GPR39: variants seen among roughly 807,000 people sequenced by gnomAD.
GPR39 encodes zinc sensing receptor.
In GPR39, 23 loss-of-function variants were observed where a neutral mutation model predicts 18.4. The ratio of observed to expected loss-of-function variants is 1.25; its 90% CI spans 0.90 to 1.77. GPR39 has a LOEUF of 1.77. GPR39 is among the 40% of genes most tolerant of loss of function. The pLI, the probability that GPR39 is intolerant of heterozygous loss-of-function variation, is 0.00. For missense variants in GPR39, 647 were observed against 602.4 expected, an observed-to-expected ratio of 1.07 and a Z score of -0.78; for synonymous variants, 280 against 257.9, an observed-to-expected ratio of 1.09 and a Z score of -0.82.
At chr2:132,441,900 A>G (rs997122060) in intron 1 of GPR39, among the ~76,000 whole-genome samples, 31 of 152,256 alleles carry the variant, frequency 2.0e-4, no homozygotes, top group Middle Eastern at 3.4e-3. Flanking sequence ...ACTCACACCC[A>G]TGAATTTCAC....
At chr2:132,519,960 G>A (rs927455347) in intron 1 of GPR39, among the ~76,000 whole-genome samples, 6 of 152,098 alleles carry the variant, frequency 3.9e-5, no homozygotes, top group South Asian at 2.1e-4. Flanking sequence ...AAAGCACTTC[G>A]GTAGCTCCCC....
chr2:132,478,703 G>A (rs1215824277), intron 1 of GPR39, among the ~76,000 whole-genome samples: 1 of 152,198 alleles, frequency 6.6e-6, no homozygotes, highest in Non-Finnish European at 1.5e-5. Flanking sequence ...GAACTTGGGA[G>A]GGAAGCTACC....
At chr2:132,531,327 G>C (rs184717387) in intron 1 of GPR39, among the ~76,000 whole-genome samples, 1 of 152,204 alleles carries the variant, frequency 6.6e-6, no homozygotes, top group Non-Finnish European at 1.5e-5. Context: ...ATATGCACCC[G>C]ATACAGGAGC....
intron 1 of GPR39, among the ~76,000 whole-genome samples, chr2:132,596,844 C>A (rs1680958763): frequency 1.3e-5 from 2 of 152,196 alleles, no homozygotes; most frequent in South Asian, 4.1e-4. Flanking sequence ...CTAAAAAGAT[C>A]CCCTGTTGAT....
chr2:132,528,073 T>G (rs1337357442), intron 1 of GPR39, among the ~76,000 whole-genome samples: 2 of 152,210 alleles, frequency 1.3e-5, no homozygotes, highest in Non-Finnish European at 2.9e-5. Flanking sequence ...GTTTTACATT[T>G]AAGTCTTTAA....
Position 132,416,978 on chromosome 2 carries a change from C to T in GPR39, c.-65C>T. On this transcript the variant is annotated 5_prime_UTR_variant, in exon 1 of 2. The change creates a new upstream start codon in the 5' untranslated region. Transcript: ENST00000329321. ...TGAGTTTGCAGCCAAGAATTTTGGA[C>T]GCTGCTGGGAGGAGAAAGGGAAGTT... The T allele has an allele frequency of 1.9e-6, 3 of 1,553,460 alleles. No homozygotes were observed. Among genetic ancestry groups the T allele is most frequent in the Non-Finnish European group, 2.6e-6 (3 of 1,149,856 alleles).
rs1368595040 is a variant in GPR39, at chr2:132,493,515, T to TACACC, written c.856+75618_856+75619insCACCA. Among the ~76,000 whole-genome samples the TACACC allele has an allele frequency of 7.7e-5, 11 of 143,326 alleles. 1 individual carries two copies. The highest frequency in any genetic ancestry group is 3.0e-4 in the African/African-American group (11 of 36,604). 94.0% of individuals were successfully genotyped at this position (143,326 alleles called of 152,430 possible). On this transcript the variant is annotated intron_variant, in intron 1 of 1. Transcript: ENST00000329321. ...TATATATATATACACCATATATATA[T>TACACC]ATATATATATATACACACACCATAT... is the stretch of plus-strand genomic sequence containing the variant.
intron 1 of GPR39, among the ~76,000 whole-genome samples, chr2:132,427,131 CAT>C (rs199931479): frequency 0.13 from 10,494 of 80,012 alleles, 646 homozygotes; most frequent in Admixed American, 0.19. Flanking sequence ...TATATAGGTA[CAT>C]ATATATATAT....
chr2:132,524,296 C>A (rs1679472336), intron 1 of GPR39, among the ~76,000 whole-genome samples: 1 of 152,212 alleles, frequency 6.6e-6, no homozygotes, highest in African/African-American at 2.4e-5. Context: ...TGGGAGGAGG[C>A]TTTACCTGGA....
Position 132,577,951 on chromosome 2 carries a change from C to T in GPR39, c.857-67150C>T, listed in dbSNP as rs962872290. 1.6e-4 allele frequency among the ~76,000 whole-genome samples: 25 copies of T among 152,056 alleles called. No homozygotes were observed. In the Middle Eastern group the frequency reaches 0.017, roughly 103 times the overall value. ...GTGACAAAGACATTCTTGCCTTGTT[C>T]CCTATTTTAAAGGGAAAGCATTGAG... On this transcript the variant is annotated intron_variant, in intron 1 of 1. Coordinates refer to ENST00000329321, the MANE Select transcript of GPR39 (RefSeq NM_001508.3).
intron 1 of GPR39, among the ~76,000 whole-genome samples, chr2:132,587,820 C>A (rs1680757991): frequency 6.6e-6 from 1 of 152,208 alleles, no homozygotes; most frequent in Non-Finnish European, 1.5e-5. Flanking sequence ...CAGGCATGAG[C>A]CACTGCGCCC....
intron 1 of GPR39, among the ~76,000 whole-genome samples, chr2:132,630,009 C>T (rs961227925): frequency 6.6e-6 from 1 of 152,182 alleles, no homozygotes; most frequent in Non-Finnish European, 1.5e-5. Flanking sequence ...GATAACAGCT[C>T]TGTCACTGCA....
At chr2:132,493,544 T>G (rs76737901) in intron 1 of GPR39, among the ~76,000 whole-genome samples, 3,296 of 147,854 alleles carry the variant, frequency 0.022, 126 homozygotes, top group African/African-American at 0.079. Context: ...ACCATATATA[T>G]ATATATGGTA....
chr2:132,435,550 G>A (rs1391594941), intron 1 of GPR39, among the ~76,000 whole-genome samples: 2 of 152,162 alleles, frequency 1.3e-5, no homozygotes, highest in African/African-American at 4.8e-5. Context: ...GGGAGTCCAA[G>A]GTTACATACA....
chr2:132,633,860 G>A (rs1681696994), intron 1 of GPR39, among the ~76,000 whole-genome samples: 1 of 152,072 alleles, frequency 6.6e-6, no homozygotes, highest in African/African-American at 2.4e-5. Context: ...GGGGGTGGTA[G>A]CGGCATTGGT....
At chr2:132,557,241 C>T (rs928736957) in intron 1 of GPR39, among the ~76,000 whole-genome samples, 1 of 152,100 alleles carries the variant, frequency 6.6e-6, no homozygotes, top group African/African-American at 2.4e-5. Context: ...ATCACTTGAA[C>T]CCAGGAGGGG....
chr2:132,644,936 G>T, intron 1 of GPR39, 165 bp from the exon 2 acceptor site: 1 of 721,172 alleles, frequency 1.4e-6, no homozygotes, highest in East Asian at 2.7e-5. Flanking sequence ...TCTCTTGCTT[G>T]TGGCAAAAGA....
At chr2:132,638,567 C>T (rs1436363931) in intron 1 of GPR39, among the ~76,000 whole-genome samples, 5 of 152,172 alleles carry the variant, frequency 3.3e-5, no homozygotes, top group South Asian at 2.1e-4. Flanking sequence ...CTGTCTCAGC[C>T]GTTAAAGACT....
chr2:132,497,770 T>G (rs1457969661), intron 1 of GPR39, among the ~76,000 whole-genome samples: 1 of 152,140 alleles, frequency 6.6e-6, no homozygotes, highest in African/African-American at 2.4e-5. Flanking sequence ...AGCCCATGCA[T>G]TTGGAGAGGC....
Sources: gnomAD v4.1 joint callset for allele counts (sites outside exome capture counted in the v4.1 genomes callset) on GRCh38, gnomAD v4.1.1 for gene constraint, MANE v1.5 for transcripts, NCBI Gene and HGNC (gene_info 2026-07-23, HGNC 2026-07-21) for gene names.